Variants in SLC4A10 observed in about 807,000 individuals in gnomAD.
SLC4A10 encodes solute carrier family 4 member 10, also known as sodium-driven chloride bicarbonate exchanger.
A neutral mutation model predicts 137.7 loss-of-function variants in SLC4A10; 42 were observed. That is an observed-to-expected ratio of 0.30 (90% CI 0.24 to 0.39). SLC4A10 has a LOEUF of 0.39. SLC4A10 is among the 10% of genes least tolerant of loss of function. The pLI, the probability that SLC4A10 is intolerant of heterozygous loss-of-function variation, is 1.00. For missense variants in SLC4A10, 925 were observed against 1,355.0 expected, an observed-to-expected ratio of 0.68 and a Z score of 4.98; for synonymous variants, 474 against 464.1, an observed-to-expected ratio of 1.02 and a Z score of -0.27.
At chr2:161,894,889 A>C (rs1575508683) in intron 11 of SLC4A10, 64 bp downstream of exon 11, 2 of 917,182 alleles carry the variant, frequency 2.2e-6, no homozygotes, top group Non-Finnish European at 2.9e-6. Context: ...TGCATGTTTT[A>C]TTTTATTTTA....
At chr2:161,703,763 A>G (rs1212176928) in intron 1 of SLC4A10, among the ~76,000 whole-genome samples, 1 of 151,730 alleles carries the variant, frequency 6.6e-6, no homozygotes, top group Non-Finnish European at 1.5e-5. Flanking sequence ...TCATTTGTAT[A>G]TTGAGAGGAT....
At chr2:161,654,178 C>G (rs1034659588) in intron 1 of SLC4A10, among the ~76,000 whole-genome samples, 4 of 152,094 alleles carry the variant, frequency 2.6e-5, no homozygotes, top group African/African-American at 7.2e-5. Context: ...TGTATGTCTT[C>G]TTTGGAGAAG....
At chr2:161,639,431 A>C (rs2105472280) in intron 1 of SLC4A10, among the ~76,000 whole-genome samples, 1 of 152,292 alleles carries the variant, frequency 6.6e-6, no homozygotes, top group Non-Finnish European at 1.5e-5. Flanking sequence ...CCCTACAATC[A>C]AGTGGGATTT....
chr2:161,693,666 C>T (rs780680372), intron 1 of SLC4A10, among the ~76,000 whole-genome samples: 13 of 141,874 alleles, frequency 9.2e-5, no homozygotes, highest in East Asian at 2.0e-4. Flanking sequence ...TCTACAAATT[C>T]GACTTTTTTT....
intron 12 of SLC4A10, chr2:161,901,259 T>G: frequency 2.8e-6 from 1 of 362,436 alleles, no homozygotes; most frequent in Non-Finnish European, 5.0e-6. Context: ...ATAAAATGCA[T>G]TCTCAGATTC....
intron 15 of SLC4A10, among the ~76,000 whole-genome samples, chr2:161,940,751 A>G (rs1475756200): frequency 6.6e-6 from 1 of 152,218 alleles, no homozygotes; most frequent in Non-Finnish European, 1.5e-5. Context: ...TGTATGAGAG[A>G]GAATCAGGAA....
At chr2:161,716,824 T>C (rs937218355) in intron 1 of SLC4A10, among the ~76,000 whole-genome samples, 2 of 152,172 alleles carry the variant, frequency 1.3e-5, no homozygotes, top group African/African-American at 4.8e-5. Flanking sequence ...TTTAAAATTT[T>C]TTTTCTAATT....
At chr2:161,698,472 A>G (rs992842853) in intron 1 of SLC4A10, among the ~76,000 whole-genome samples, 1 of 152,182 alleles carries the variant, frequency 6.6e-6, no homozygotes, top group Non-Finnish European at 1.5e-5. Context: ...TTATTTTGAG[A>G]TACGTCCCAT....
intron 13 of SLC4A10, among the ~76,000 whole-genome samples, chr2:161,904,434 G>T (rs1360134325): frequency 1.3e-5 from 2 of 152,114 alleles, no homozygotes; most frequent in African/African-American, 2.4e-5. Flanking sequence ...CCAATCCTAA[G>T]CTAGGTTTAG....
At chr2:161,937,101 T>G (rs1691712538) in intron 15 of SLC4A10, among the ~76,000 whole-genome samples, 1 of 152,174 alleles carries the variant, frequency 6.6e-6, no homozygotes. Flanking sequence ...GTCCCACTGG[T>G]TGTTGAGGAG....
intron 1 of SLC4A10, among the ~76,000 whole-genome samples, chr2:161,645,868 A>G (rs1264742580): frequency 6.6e-6 from 1 of 152,024 alleles, no homozygotes; most frequent in Non-Finnish European, 1.5e-5. Flanking sequence ...ACTTTTGAGA[A>G]TCTGTATTAT....
intron 1 of SLC4A10, among the ~76,000 whole-genome samples, chr2:161,675,751 T>C (rs912984576): frequency 1.3e-5 from 2 of 152,180 alleles, no homozygotes; most frequent in African/African-American, 4.8e-5. Flanking sequence ...AATATAAAAG[T>C]TAATAGTTCA....
chr2:161,984,962 A>G lies in SLC4A10; in HGVS notation c.*1810A>G, dbSNP rs1700643108. 6.6e-6 allele frequency: 1 copy of G among 152,060 alleles called. No individual in the cohort carries two copies. Among genetic ancestry groups the G allele is most frequent in the Admixed American group, 6.6e-5 (1 of 15,256 alleles). 9.4% of individuals were successfully genotyped at this position (152,060 alleles called of 1,614,324 possible). Reference sequence around the variant, plus strand: ...AATCTTCACATGATCACCTATTTGAATAAGCAATCATATCCAATGAAATTC... The same window carrying G: ...AATCTTCACATGATCACCTATTTGAGTAAGCAATCATATCCAATGAAATTC... On this transcript the variant is annotated 3_prime_UTR_variant, in exon 27 of 27. Transcript: ENST00000446997.
chr2:161,902,689 G>A (rs981815188), intron 12 of SLC4A10, among the ~76,000 whole-genome samples: 1 of 152,078 alleles, frequency 6.6e-6, no homozygotes, highest in Non-Finnish European at 1.5e-5. Flanking sequence ...CTGCATAATA[G>A]TAGAAGAGTT....
At chr2:161,638,453 C>T (rs1310589221) in intron 1 of SLC4A10, among the ~76,000 whole-genome samples, 2 of 152,000 alleles carry the variant, frequency 1.3e-5, no homozygotes, top group Non-Finnish European at 2.9e-5. Context: ...GGATTTGTTT[C>T]TGGGTTTTCT....
At chr2:161,859,119 T>A (rs1309118176) in intron 5 of SLC4A10, among the ~76,000 whole-genome samples, 1 of 152,118 alleles carries the variant, frequency 6.6e-6, no homozygotes, top group Non-Finnish European at 1.5e-5. Flanking sequence ...AGCATTGATA[T>A]GATGATCTTC....
At chr2:161,977,823 T>C in intron 26 of SLC4A10, 63 bp downstream of exon 26, 1 of 1,477,486 alleles carries the variant, frequency 6.8e-7, no homozygotes, top group Non-Finnish European at 9.1e-7. Flanking sequence ...TGGTGTCTTC[T>C]AGAAACCTGG....
intron 1 of SLC4A10, among the ~76,000 whole-genome samples, chr2:161,742,754 A>C (rs577883839): frequency 1.3e-5 from 2 of 151,884 alleles, no homozygotes; most frequent in South Asian, 4.1e-4. Flanking sequence ...TCTCCTTTCT[A>C]TACATCCTTG....
intron 10 of SLC4A10, among the ~76,000 whole-genome samples, chr2:161,887,103 C>T (rs1252722633): frequency 6.6e-6 from 1 of 152,028 alleles, no homozygotes; most frequent in African/African-American, 2.4e-5. Flanking sequence ...CATCCATGTC[C>T]CTGCAAAGGA....
Sources: allele counts gnomAD v4.1 joint callset (sites outside exome capture counted in the v4.1 genomes callset), GRCh38; gene constraint gnomAD v4.1.1; transcripts MANE v1.5; gene names NCBI Gene and HGNC (gene_info 2026-07-23, HGNC 2026-07-21).